Variants in CYP4X1 observed in about 807,000 individuals in gnomAD.
CYP4X1 encodes cytochrome P450 4X1.
CYP4X1 carries 44 observed loss-of-function variants against 57.9 expected under a neutral mutation model. That is an observed-to-expected ratio of 0.76 (90% CI 0.60 to 0.98). The LOEUF (loss-of-function observed/expected upper bound fraction) is 0.98. Ranked by LOEUF, CYP4X1 falls within the 50% of genes least tolerant of loss-of-function variation. The probability of loss-of-function intolerance (pLI) is 0.00; values close to 1 mark genes in which losing one functional copy is unlikely to be tolerated. For missense variants in CYP4X1, 532 were observed against 623.9 expected, an observed-to-expected ratio of 0.85 and a Z score of 1.57; for synonymous variants, 227 against 228.6, an observed-to-expected ratio of 0.99 and a Z score of 0.06.
chr1:47,054,582 T>G (rs1045645876), downstream of CYP4X1, among the ~76,000 whole-genome samples: 1 of 152,184 alleles, frequency 6.6e-6, no homozygotes, highest in African/African-American at 2.4e-5. Flanking sequence ...GTTTGTATCC[T>G]CTTTTATTTC....
the CYP4X1 span, among the ~76,000 whole-genome samples, chr1:47,015,962 A>AT: frequency 6.6e-6 from 1 of 152,036 alleles, no homozygotes; most frequent in Non-Finnish European, 1.5e-5. Context: ...AATAATCATC[A>AT]TTTTATTTTA....
the CYP4X1 span, among the ~76,000 whole-genome samples, chr1:46,994,779 C>CA: frequency 6.6e-6 from 1 of 152,178 alleles, no homozygotes; most frequent in South Asian, 2.1e-4. Context: ...ATTCAACAAA[C>CA]ACCTACTATG....
intron 7 of CYP4X1, 121 bp downstream of exon 7, chr1:47,038,887 T>A: frequency 1.5e-6 from 1 of 669,226 alleles, no homozygotes. Context: ...AACTGTACTT[T>A]GAATTGATGA....
chr1:47,051,206 G>A (rs969279776), downstream of CYP4X1, among the ~76,000 whole-genome samples: 1 of 152,076 alleles, frequency 6.6e-6, no homozygotes, highest in African/African-American at 2.4e-5. Context: ...AGTTAGAATG[G>A]CAATCATTAA....
the CYP4X1 span, among the ~76,000 whole-genome samples, chr1:46,983,024 G>C: frequency 6.6e-6 from 1 of 152,236 alleles, no homozygotes; most frequent in Non-Finnish European, 1.5e-5. Context: ...TTGTGTTGCA[G>C]GTCCAAGCCT....
chr1:47,044,099 A>G (rs1233352424), intron 8 of CYP4X1, among the ~76,000 whole-genome samples: 1 of 152,200 alleles, frequency 6.6e-6, no homozygotes, highest in East Asian at 1.9e-4. Context: ...GTAATTATTG[A>G]CAGACAAGGA....
At chr1:47,019,619 C>G (rs190557842), upstream of CYP4X1, among the ~76,000 whole-genome samples, 1 of 152,304 alleles carries the variant, frequency 6.6e-6, no homozygotes, top group East Asian at 1.9e-4. Flanking sequence ...ACCATCATAT[C>G]TTATCTGAAT....
In CYP4X1 at chr1:47,046,472, A is replaced by G; in HGVS notation, c.1079A>G (p.Gln360Arg). ...LGDGSSITWD[Q>R]LGEMSYTTMC... ...TCCCTCCCTCATCCTCACAGGGACCAGCTGGGTGAGATGTCGTACACCACA... is the reference window on the plus strand; with the variant it reads ...TCCCTCCCTCATCCTCACAGGGACCGGCTGGGTGAGATGTCGTACACCACA... Residue 360 changes from glutamine to arginine, a missense_variant, in exon 9 of 12, where the codon CAG becomes CGG. Coordinates refer to ENST00000371901, the MANE Select transcript of CYP4X1 (RefSeq NM_178033.2). 1 of 1,614,138 alleles carries G rather than the reference A, an allele frequency of 6.2e-7. No individual in the cohort carries two copies. Among genetic ancestry groups the G allele is most frequent in the Non-Finnish European group, 8.5e-7 (1 of 1,180,016 alleles).
At chr1:46,983,338 A>G in the CYP4X1 span, among the ~76,000 whole-genome samples, 1 of 152,128 alleles carries the variant, frequency 6.6e-6, no homozygotes, top group Non-Finnish European at 1.5e-5. Context: ...AGAGCAGGGA[A>G]TTGGGAGCTC....
At chr1:46,993,706 CT>C in the CYP4X1 span, among the ~76,000 whole-genome samples, 2 of 152,080 alleles carry the variant, frequency 1.3e-5, no homozygotes. Flanking sequence ...TTTCGTGTGT[CT>C]TTTGGCTGCA....
intron 8 of CYP4X1, among the ~76,000 whole-genome samples, chr1:47,040,453 T>TA (rs1460695430): frequency 1.3e-5 from 2 of 152,108 alleles, no homozygotes; most frequent in Non-Finnish European, 2.9e-5. Flanking sequence ...CATGACCAGA[T>TA]AAAAAACACC....
chr1:46,981,301 T>C, the CYP4X1 span, among the ~76,000 whole-genome samples: 1 of 151,478 alleles, frequency 6.6e-6, no homozygotes, highest in Non-Finnish European at 1.5e-5. Flanking sequence ...AATCAGACAC[T>C]CCATCAAAAA....
chr1:46,997,600 A>T, the CYP4X1 span, among the ~76,000 whole-genome samples: 1 of 152,184 alleles, frequency 6.6e-6, no homozygotes, highest in Admixed American at 6.6e-5. Flanking sequence ...TTCTTTATCC[A>T]GTCCACTGTT....
chr1:47,026,502 A>T (rs1469612818), intron 1 of CYP4X1, among the ~76,000 whole-genome samples: 2 of 152,104 alleles, frequency 1.3e-5, no homozygotes, highest in African/African-American at 4.8e-5. Context: ...GTATTTTCCA[A>T]GATTATTTTG....
chr1:46,992,538 G>C, the CYP4X1 span, among the ~76,000 whole-genome samples: 1 of 152,108 alleles, frequency 6.6e-6, no homozygotes, highest in Admixed American at 6.5e-5. Flanking sequence ...TTTTCACTTA[G>C]CATACTGTTC....
chr1:47,051,136 A>G (rs1203879223), downstream of CYP4X1, among the ~76,000 whole-genome samples: 1 of 152,256 alleles, frequency 6.6e-6, no homozygotes, highest in South Asian at 2.1e-4. Context: ...AAAAATGCCT[A>G]TCGTCACTGG....
At chr1:47,018,359 G>A in the CYP4X1 span, among the ~76,000 whole-genome samples, 6 of 152,070 alleles carry the variant, frequency 3.9e-5, no homozygotes, top group Non-Finnish European at 8.8e-5. Context: ...TTTTTAATAT[G>A]TAACTTAACC....
chr1:47,033,792 TTG>T (rs1644149733), intron 4 of CYP4X1, among the ~76,000 whole-genome samples: 1 of 152,138 alleles, frequency 6.6e-6, no homozygotes, highest in African/African-American at 2.4e-5. Flanking sequence ...TTTCACACAG[TTG>T]TGAGACAAGA....
intron 8 of CYP4X1, among the ~76,000 whole-genome samples, chr1:47,042,772 T>C (rs967601092): frequency 1.3e-5 from 2 of 152,212 alleles, no homozygotes; most frequent in Non-Finnish European, 2.9e-5. Context: ...TCCAGATTGC[T>C]GCGAATGCCT....
Sources: allele counts gnomAD v4.1 joint callset (sites outside exome capture counted in the v4.1 genomes callset), GRCh38; gene constraint gnomAD v4.1.1; transcripts MANE v1.5; gene names NCBI Gene and HGNC (gene_info 2026-07-23, HGNC 2026-07-21).